Variants in SLC4A4 observed in about 807,000 individuals in gnomAD.
SLC4A4 encodes electrogenic sodium bicarbonate cotransporter 1.
SLC4A4 carries 27 observed loss-of-function variants against 111.5 expected under a neutral mutation model. That is an observed-to-expected ratio of 0.24 (90% CI 0.18 to 0.33). The LOEUF is 0.33. SLC4A4 is among the 10% of genes least tolerant of loss of function. The pLI is 1.00. For synonymous variants in SLC4A4, 443 were observed against 463.4 expected (o/e 0.96, Z 0.57); for missense variants, 909 against 1,315.5 (o/e 0.69, Z 4.78).
Position 71,571,122 on chromosome 4 carries a change from G to C in SLC4A4, c.*3371G>C, listed in dbSNP as rs1190581557. The C allele has an allele frequency of 6.6e-6, 1 of 152,306 alleles. No individual in the cohort carries two copies. Among genetic ancestry groups the C allele is most frequent in the Middle Eastern group, 3.4e-3 (1 of 294 alleles). The allele number at this position is 152,306 out of a possible 1,614,324, so 9.4% of individuals were successfully genotyped here. On this transcript the variant is annotated 3_prime_UTR_variant, in exon 26 of 26. Transcript: ENST00000264485. ...GTTTAATAGAGAATGATTGTCTTCC[G>C]AGTTTTTTGGTTCCTTTTTTAACTG...
chr4:71,405,683 A>G (rs1000360241), intron 7 of SLC4A4, among the ~76,000 whole-genome samples: 6 of 152,186 alleles, frequency 3.9e-5, no homozygotes, highest in African/African-American at 1.4e-4. Flanking sequence ...TAAACACTTT[A>G]TTGAATCCGC....
At chr4:71,264,449 G>C (rs1345835503) in intron 3 of SLC4A4, among the ~76,000 whole-genome samples, 1 of 152,060 alleles carries the variant, frequency 6.6e-6, no homozygotes, top group Admixed American at 6.6e-5. Flanking sequence ...GAGGCTTTGT[G>C]TAGGAATAAT....
chr4:71,171,127 T>A (rs963770043), intron 2 of SLC4A4, among the ~76,000 whole-genome samples: 4 of 151,950 alleles, frequency 2.6e-5, no homozygotes, highest in Non-Finnish European at 5.9e-5. Flanking sequence ...GAAGAATTAC[T>A]GAAGAACTAC....
chr4:71,472,856 A>G lies in SLC4A4; in HGVS notation c.1789A>G (p.Ile597Val). 6.2e-7 allele frequency: 1 copy of G among 1,612,808 alleles called. No homozygotes were observed. Among genetic ancestry groups the G allele is most frequent in the Non-Finnish European group, 8.5e-7 (1 of 1,179,324 alleles). Reference sequence around the variant, plus strand: ...TTCCTCTCTGATTAGCTTCATCTTTATCTATGATGCTTTCAAGAAGATGAT... The same window carrying G: ...TTCCTCTCTGATTAGCTTCATCTTTGTCTATGATGCTTTCAAGAAGATGAT... ...GFSSLISFIFIYDAFKKMIKL... is the reference protein window; with the variant it reads ...GFSSLISFIFVYDAFKKMIKL... The change falls in exon 14 of 26, where the codon ATC (isoleucine) becomes GTC (valine). Residue 597 changes from isoleucine to valine, a missense_variant. Physicochemically the swap from Ile to Val is conservative, Grantham distance 29. This residue lies in a region of SLC4A4 where 264 missense variants were observed against 356.8 expected (regional missense o/e 0.74). Coordinates refer to ENST00000264485, the MANE Select transcript of SLC4A4 (RefSeq NM_001098484.3).
chr4:71,248,344 T>G (rs1720829520), intron 2 of SLC4A4, among the ~76,000 whole-genome samples: 2 of 151,712 alleles, frequency 1.3e-5, no homozygotes, highest in South Asian at 4.1e-4. Flanking sequence ...TAATTCAGAA[T>G]GTGCATTAAA....
At chr4:71,399,486 TCTCC>T (rs1264896590) in intron 7 of SLC4A4, among the ~76,000 whole-genome samples, 1 of 29,668 alleles carries the variant, frequency 3.4e-5, no homozygotes, top group African/African-American at 1.3e-4. Context: ...CCCCTCCCCC[TCTCC>T]CTCCCTCCCT....
intron 20 of SLC4A4, among the ~76,000 whole-genome samples, chr4:71,554,599 T>C (rs1736302915): frequency 6.6e-6 from 1 of 151,890 alleles, no homozygotes; most frequent in African/African-American, 2.4e-5. Flanking sequence ...CTTTAGTTAG[T>C]TCTCATAATA....
chr4:71,561,880 C>T (rs906662421), intron 23 of SLC4A4, among the ~76,000 whole-genome samples: 4 of 151,690 alleles, frequency 2.6e-5, no homozygotes, highest in African/African-American at 9.7e-5. Context: ...AACTTATGTA[C>T]CTGGACATCA....
intron 2 of SLC4A4, among the ~76,000 whole-genome samples, chr4:71,250,995 C>A (rs1360692830): frequency 6.6e-6 from 1 of 152,146 alleles, no homozygotes; most frequent in Non-Finnish European, 1.5e-5. Flanking sequence ...CAGTGCTTGG[C>A]ATGCTTGTAA....
intron 6 of SLC4A4, among the ~76,000 whole-genome samples, chr4:71,359,997 G>A (rs1027298025): frequency 2.0e-5 from 3 of 152,042 alleles, no homozygotes; most frequent in Non-Finnish European, 4.4e-5. Context: ...TAATCTGCTC[G>A]GGAGAGCCAG....
chr4:71,321,307 T>C (rs1727100970), intron 3 of SLC4A4, among the ~76,000 whole-genome samples: 2 of 152,040 alleles, frequency 1.3e-5, no homozygotes, highest in Admixed American at 1.3e-4. Flanking sequence ...AGAATGGATT[T>C]AGCATATCTC....
chr4:71,416,711 T>C (rs4074649), intron 7 of SLC4A4, among the ~76,000 whole-genome samples: 29,999 of 151,828 alleles, frequency 0.2, 3,306 homozygotes, highest in South Asian at 0.42. Context: ...ATTATTATTA[T>C]TACTAGTAAT....
Position 71,102,476 on chromosome 4 carries a change from C to T in SLC4A4, c.-2+9684C>T, listed in dbSNP as rs571336351. Among the ~76,000 whole-genome samples, 17 of 152,116 alleles carry T rather than the reference C, an allele frequency of 1.1e-4. No homozygotes were observed. In the East Asian group the frequency reaches 3.3e-3, roughly 29 times the overall value. The stretch of plus-strand genomic sequence containing the variant: ...CTCCAAGACACATAATTGTCAGATT[C>T]ACCAAAGTTGAAATGAAGGAAAAAT... On this transcript the variant is annotated intron_variant, in intron 2 of 26. Transcript: ENST00000649996.
intron 1 of SLC4A4, among the ~76,000 whole-genome samples, chr4:71,088,850 T>C (rs963390092): frequency 2.6e-5 from 4 of 152,108 alleles, no homozygotes; most frequent in Admixed American, 6.5e-5. Flanking sequence ...TTTTCCTTCA[T>C]TTCAACTTTG....
At chr4:71,116,673 G>A (rs1181110894) in intron 2 of SLC4A4, among the ~76,000 whole-genome samples, 1 of 152,242 alleles carries the variant, frequency 6.6e-6, no homozygotes, top group Non-Finnish European at 1.5e-5. Context: ...GCCGGACGTG[G>A]TGGCTCACGC....
At chr4:71,080,966 A>T (rs1433517808) in intron 1 of SLC4A4, among the ~76,000 whole-genome samples, 1 of 152,078 alleles carries the variant, frequency 6.6e-6, no homozygotes, top group African/African-American at 2.4e-5. Context: ...CTTCCTCCAC[A>T]TATCCCCCTG....
At chr4:71,135,317 A>G (rs375349173) in intron 2 of SLC4A4, among the ~76,000 whole-genome samples, 41 of 125,040 alleles carry the variant, frequency 3.3e-4, no homozygotes, top group African/African-American at 1.2e-3. Context: ...TTTTTTTGAG[A>G]CAGAGTCTCA....
At chr4:71,359,996 C>G (rs181089507) in intron 6 of SLC4A4, among the ~76,000 whole-genome samples, 4 of 152,150 alleles carry the variant, frequency 2.6e-5, no homozygotes, top group African/African-American at 9.6e-5. Flanking sequence ...CTAATCTGCT[C>G]GGGAGAGCCA....
intron 6 of SLC4A4, among the ~76,000 whole-genome samples, chr4:71,383,400 C>T (rs897326352): frequency 2.6e-5 from 4 of 152,160 alleles, no homozygotes; most frequent in Non-Finnish European, 5.9e-5. Flanking sequence ...TCATCACATA[C>T]CCTCTGTATG....
Sources: gnomAD v4.1 joint callset for allele counts (sites outside exome capture counted in the v4.1 genomes callset) on GRCh38, gnomAD v4.1.1 for gene constraint, gnomAD v4.1.1 regional missense constraint, MANE v1.5 for transcripts, NCBI Gene and HGNC (gene_info 2026-07-23, HGNC 2026-07-21) for gene names.